Variants in SLC24A2 observed in about 807,000 individuals in gnomAD.
SLC24A2 encodes sodium/potassium/calcium exchanger 2.
A neutral mutation model predicts 62.0 loss-of-function variants in SLC24A2; 36 were observed. That is an observed-to-expected ratio of 0.58 (90% CI 0.44 to 0.77). SLC24A2 has a LOEUF of 0.77. Ranked by LOEUF, SLC24A2 falls within the 30% of genes least tolerant of loss-of-function variation. SLC24A2 has a pLI of 0.00. For missense variants in SLC24A2, 846 were observed against 817.9 expected, an observed-to-expected ratio of 1.03 and a Z score of -0.42; for synonymous variants, 358 against 294.0, an observed-to-expected ratio of 1.22 and a Z score of -2.23.
the SLC24A2 span, among the ~76,000 whole-genome samples, chr9:20,265,949 A>C: frequency 2.6e-5 from 4 of 151,950 alleles, no homozygotes; most frequent in African/African-American, 4.8e-5. Flanking sequence ...CTCCCATAGC[A>C]CTCCCAGGCT....
chr9:20,016,712 T>C, the SLC24A2 span, among the ~76,000 whole-genome samples: 1 of 152,080 alleles, frequency 6.6e-6, no homozygotes. Context: ...GCAAGTATAA[T>C]GAAAACCTAC....
chr9:19,779,225 G>A (rs1822937746), intron 2 of SLC24A2, among the ~76,000 whole-genome samples: 1 of 152,198 alleles, frequency 6.6e-6, no homozygotes, highest in Non-Finnish European at 1.5e-5. Flanking sequence ...AGGCAAAATT[G>A]TTGGGAGGCA....
At chr9:19,540,679 G>T (rs1169212532) in intron 8 of SLC24A2, among the ~76,000 whole-genome samples, 2 of 146,308 alleles carry the variant, frequency 1.4e-5, no homozygotes, top group East Asian at 4.0e-4. Context: ...TGACAATTAT[G>T]TGTCTTGGAG....
chr9:20,212,402 GCA>G, the SLC24A2 span, among the ~76,000 whole-genome samples: 2 of 151,908 alleles, frequency 1.3e-5, no homozygotes, highest in African/African-American at 4.9e-5. Flanking sequence ...TGTAATCCCA[GCA>G]CTTTGGGAAG....
At chr9:20,164,613 A>T in the SLC24A2 span, among the ~76,000 whole-genome samples, 8 of 151,484 alleles carry the variant, frequency 5.3e-5, no homozygotes, top group African/African-American at 1.9e-4. Context: ...ATACCATTTG[A>T]CCCAGCCATC....
chr9:20,231,807 T>C, the SLC24A2 span, among the ~76,000 whole-genome samples: 2 of 143,832 alleles, frequency 1.4e-5, no homozygotes, highest in African/African-American at 2.8e-5. Flanking sequence ...ATCCCTGTCT[T>C]GTGCCCGTTT....
At chr9:20,069,991 T>A in the SLC24A2 span, among the ~76,000 whole-genome samples, 2 of 152,260 alleles carry the variant, frequency 1.3e-5, no homozygotes, top group Non-Finnish European at 2.9e-5. Flanking sequence ...GACCTTATTA[T>A]GCCACCGTCT....
the SLC24A2 span, among the ~76,000 whole-genome samples, chr9:19,904,612 C>T: frequency 1.3e-5 from 2 of 152,182 alleles, no homozygotes; most frequent in Non-Finnish European, 1.5e-5. Context: ...AAAATAGAGA[C>T]TACTTTCCTG....
the SLC24A2 span, among the ~76,000 whole-genome samples, chr9:20,019,875 G>GA: frequency 0.033 from 3,999 of 121,464 alleles, 120 homozygotes; most frequent in African/African-American, 0.087. Context: ...AAATTTACCA[G>GA]AAAAAAAAAA....
intron 2 of SLC24A2, among the ~76,000 whole-genome samples, chr9:19,660,777 C>G (rs1348634337): frequency 6.6e-6 from 1 of 152,186 alleles, no homozygotes; most frequent in Non-Finnish European, 1.5e-5. Context: ...ACCAACACCC[C>G]CAGCTTTCAA....
chr9:20,074,983 G>T, the SLC24A2 span, among the ~76,000 whole-genome samples: 2 of 152,104 alleles, frequency 1.3e-5, no homozygotes, highest in Non-Finnish European at 2.9e-5. Context: ...TCTGAACCTT[G>T]GTTTCTGCAT....
intron 2 of SLC24A2, among the ~76,000 whole-genome samples, chr9:19,737,671 GT>G (rs1471030462): frequency 6.6e-6 from 1 of 151,754 alleles, no homozygotes; most frequent in Non-Finnish European, 1.5e-5. Flanking sequence ...ATTTTTTCAG[GT>G]TTAAAAATGC....
chr9:20,074,607 A>AGGG, the SLC24A2 span, among the ~76,000 whole-genome samples: 15 of 69,172 alleles, frequency 2.2e-4, no homozygotes, highest in South Asian at 6.3e-4. Context: ...GGAAGGAAAG[A>AGGG]AGGGAGTGAG....
At chr9:19,647,417 T>G (rs774293580) in intron 2 of SLC24A2, among the ~76,000 whole-genome samples, 22 of 152,130 alleles carry the variant, frequency 1.4e-4, no homozygotes, top group Non-Finnish European at 2.5e-4. Flanking sequence ...TCTCTAAAAC[T>G]GAAGAAGTAA....
intron 4 of SLC24A2, among the ~76,000 whole-genome samples, chr9:19,619,268 C>T (rs148648910): frequency 4.4e-4 from 67 of 152,332 alleles, no homozygotes; most frequent in African/African-American, 1.5e-3. Flanking sequence ...CAAAAGAGAA[C>T]TGTTACTTCA....
At chr9:20,145,359 A>G in the SLC24A2 span, among the ~76,000 whole-genome samples, 45 of 152,060 alleles carry the variant, frequency 3.0e-4, no homozygotes, top group African/African-American at 9.2e-4. Flanking sequence ...TCATCTCTTC[A>G]CTGTCTCTCC....
intron 2 of SLC24A2, among the ~76,000 whole-genome samples, chr9:19,651,541 G>C (rs1818801085): frequency 6.8e-6 from 1 of 147,348 alleles, no homozygotes. Flanking sequence ...TTTGCTGCTG[G>C]GGAACCCCCC....
chr9:19,884,313 A>C, the SLC24A2 span, among the ~76,000 whole-genome samples: 2 of 152,156 alleles, frequency 1.3e-5, no homozygotes, highest in African/African-American at 2.4e-5. Flanking sequence ...CATCCTACAA[A>C]ATGCCTGCTA....
At chr9:19,713,229 G>C (rs1564057728) in intron 2 of SLC24A2, among the ~76,000 whole-genome samples, 1 of 152,092 alleles carries the variant, frequency 6.6e-6, no homozygotes, top group Non-Finnish European at 1.5e-5. Context: ...TTGCATGAAT[G>C]AAGGAAGGAA....
Sources: gnomAD v4.1 joint callset for allele counts (sites outside exome capture counted in the v4.1 genomes callset) on GRCh38, gnomAD v4.1.1 for gene constraint, MANE v1.5 for transcripts, NCBI Gene and HGNC (gene_info 2026-07-23, HGNC 2026-07-21) for gene names.